ZNF761: variants seen among roughly 807,000 people sequenced by gnomAD.
ZNF761 encodes the protein zinc finger protein 761.
Under a neutral mutation model 59.9 loss-of-function variants are expected in ZNF761, and 43 were observed. The observed-to-expected ratio is 0.72, with a 90% CI of 0.56 to 0.92. The LOEUF is 0.92. Among genes scored for constraint, ZNF761 ranks in the 40% least tolerant of loss-of-function variants. ZNF761 has a pLI of 0.00. For missense variants in ZNF761, 850 were observed against 906.1 expected, an observed-to-expected ratio of 0.94 and a Z score of 0.79; for synonymous variants, 294 against 304.8, an observed-to-expected ratio of 0.96 and a Z score of 0.37.
At position 53,455,485 on chromosome 19, in the gene ZNF761, T is replaced by G. The variant is rs1389907048; in HGVS notation, c.978T>G (p.Tyr326Ter). Residue 326 changes from tyrosine to a stop codon, truncating the protein, a stop_gained, in exon 5 of 5, where the codon TAT becomes TAG. Transcript: ENST00000684525. LOFTEE classifies it high-confidence loss of function. ...TAATTCATACTGAAGAGAAACCATA[T>G]AAGTGTAATGAGTGTGGCAAGACCT... Reference protein sequence around the residue: ...HRIIHTEEKPYKCNECGKTFR... With the variant: ...HRIIHTEEKP 6.2e-7 allele frequency: 1 copy of G among 1,611,514 alleles called. No individual in the cohort carries two copies. Among genetic ancestry groups the G allele is most frequent in the Non-Finnish European group, 8.5e-7 (1 of 1,179,490 alleles).
chr19:53,435,366 A>G (rs12984662), intron 1 of ZNF761, among the ~76,000 whole-genome samples: 28,134 of 128,132 alleles, frequency 0.22, 3,391 homozygotes, highest in Middle Eastern at 0.35. Context: ...GTGCAATGGC[A>G]TGACCACGGC....
At position 53,447,123 on chromosome 19, in the gene ZNF761, T is replaced by G. The variant is rs1249069502; in HGVS notation, c.-73-73T>G. The G allele has an allele frequency of 3.0e-6, 3 of 1,000,696 alleles. No homozygotes were observed. In the South Asian group the frequency reaches 4.9e-5, roughly 16 times the overall value. 62.0% of individuals were successfully genotyped at this position (1,000,696 alleles called of 1,614,324 possible). A position where few individuals can be genotyped will look rare whatever the true frequency, so the allele number is the denominator to read the frequency against. Reference sequence around the variant, plus strand: ...ATATTTCCCAGGGTGAGGTCGCCTTTGTATGTGTGGTTGTGTTCCACGGAG... The same window carrying G: ...ATATTTCCCAGGGTGAGGTCGCCTTGGTATGTGTGGTTGTGTTCCACGGAG... On this transcript the variant is annotated intron_variant, in intron 2 of 4. Coordinates refer to ENST00000684525, the MANE Select transcript of ZNF761 (RefSeq NM_001289951.2).
rs1396527149 is a variant in ZNF761 at position 53,437,990 on chromosome 19, C to T, written c.-185+5962C>T. Among the ~76,000 whole-genome samples, 5 of 117,710 alleles carry T rather than the reference C, an allele frequency of 4.2e-5. 1 individual carries two copies. Among genetic ancestry groups the T allele is most frequent in the Non-Finnish European group, 9.6e-5 (5 of 52,006 alleles). 77.2% of individuals were successfully genotyped at this position (117,710 alleles called of 152,430 possible). ...CTGGCATGTCCAAACTCTTCCAGCA[C>T]AGAACTACTTCCACCTGTGAAGTAC... On this transcript the variant is annotated intron_variant, in intron 1 of 4. Transcript: ENST00000684525.
intron 1 of ZNF761, among the ~76,000 whole-genome samples, chr19:53,433,801 C>A (rs2086004725): frequency 6.6e-6 from 1 of 152,062 alleles, no homozygotes; most frequent in Non-Finnish European, 1.5e-5. Context: ...TAGAACTACT[C>A]CTATTAAGGT....
Position 53,447,252 on chromosome 19 carries a change from G to C in ZNF761, c.-17G>C, listed in dbSNP as rs759243345. On this transcript the variant is annotated 5_prime_UTR_variant, in exon 3 of 5. Transcript: ENST00000684525. ...GAAGAAACCCGGAAGAGGAAGAGGA[G>C]AGCAAAGGAGTCAGGGATGGCTTTT... 1 of 1,612,720 alleles carries C rather than the reference G, an allele frequency of 6.2e-7. No individual in the cohort carries two copies. Among genetic ancestry groups the C allele is most frequent in the Non-Finnish European group, 8.5e-7 (1 of 1,179,458 alleles).
In ZNF761 at chr19:53,455,412, A is replaced by T. The variant is rs754820977; in HGVS notation, c.905A>T (p.Glu302Val). The T allele has an allele frequency of 2.5e-6, 4 of 1,613,938 alleles. No individual in the cohort carries two copies. In the Admixed American group the frequency reaches 6.7e-5, roughly 27 times the overall value. The change falls in exon 5 of 5, where the codon GAA becomes GTA. Residue 302 changes from glutamate (E) to valine (V), a missense_variant. By Grantham distance (121) the Glu-to-Val change is moderately radical. Coordinates refer to ENST00000684525, the MANE Select transcript of ZNF761 (RefSeq NM_001289951.2). ...GGAGAGAAACCTTACAAATGTGAAGAATGTGACAAAGCTTTCCATTTCAAA... is the reference window on the plus strand; with the variant it reads ...GGAGAGAAACCTTACAAATGTGAAGTATGTGACAAAGCTTTCCATTTCAAA... Reference protein sequence around the residue: ...HTGEKPYKCEECDKAFHFKSI... With the variant: ...HTGEKPYKCEVCDKAFHFKSI...
chr19:53,439,710 G>A (rs1168638839), intron 1 of ZNF761, among the ~76,000 whole-genome samples: 3 of 152,166 alleles, frequency 2.0e-5, no homozygotes, highest in Admixed American at 6.5e-5. Flanking sequence ...GCACTGGCCT[G>A]TATTCATTTG....
At position 53,457,237 on chromosome 19, in the gene ZNF761, C is replaced by A; in HGVS notation, c.*489C>A. On this transcript the variant is annotated 3_prime_UTR_variant, in exon 5 of 5. Coordinates refer to ENST00000684525, the MANE Select transcript of ZNF761 (RefSeq NM_001289951.2). Reference sequence around the variant, plus strand: ...TGGAGAATCCATAAGGAAGAGAGATCATACTAGGGTAATAAATGTGGCAGA... The same window carrying A: ...TGGAGAATCCATAAGGAAGAGAGATAATACTAGGGTAATAAATGTGGCAGA... The A allele has an allele frequency of 2.2e-6, 1 of 462,060 alleles. No individual in the cohort carries two copies. The highest frequency in any genetic ancestry group is 1.7e-5 in the South Asian group (1 of 57,896). 28.6% of individuals were successfully genotyped at this position (462,060 alleles called of 1,614,324 possible). A position where few individuals can be genotyped will look rare whatever the true frequency, so the allele number is the denominator to read the frequency against.
chr19:53,457,240 A>G lies in ZNF761; in HGVS notation c.*492A>G. 1 of 459,370 alleles carries G rather than the reference A, an allele frequency of 2.2e-6. No homozygotes were observed. The highest frequency in any genetic ancestry group is 5.6e-5 in the East Asian group (1 of 17,940). The allele number at this position is 459,370 out of a possible 1,614,324, so 28.5% of individuals were successfully genotyped here. A position where few individuals can be genotyped will look rare whatever the true frequency, so the allele number is the denominator to read the frequency against. ...AGAATCCATAAGGAAGAGAGATCAT[A>G]CTAGGGTAATAAATGTGGCAGATTT... On this transcript the variant is annotated 3_prime_UTR_variant, in exon 5 of 5. Transcript: ENST00000684525.
chr19:53,436,358 T>C (rs1216093714), intron 1 of ZNF761, among the ~76,000 whole-genome samples: 1 of 152,268 alleles, frequency 6.6e-6, no homozygotes, highest in Non-Finnish European at 1.5e-5. Flanking sequence ...CTTGCATGGC[T>C]GTTCTTAAAG....
chr19:53,451,444 A>C (rs936998681), intron 4 of ZNF761, among the ~76,000 whole-genome samples: 49 of 152,218 alleles, frequency 3.2e-4, no homozygotes, highest in African/African-American at 1.2e-3. Flanking sequence ...CCTGCCCTCA[A>C]CTGATCCACC....
chr19:53,440,527 G>T (rs1219324947), intron 1 of ZNF761, among the ~76,000 whole-genome samples: 1 of 152,138 alleles, frequency 6.6e-6, no homozygotes, highest in Non-Finnish European at 1.5e-5. Flanking sequence ...ATAGAGGTCA[G>T]CTTCCACTTG....
At position 53,456,888 on chromosome 19, in the gene ZNF761, T is replaced by G; in HGVS notation, c.*140T>G. On this transcript the variant is annotated 3_prime_UTR_variant, in exon 5 of 5. Coordinates refer to ENST00000684525, the MANE Select transcript of ZNF761 (RefSeq NM_001289951.2). ...AAGCCTCAGAAGACAGGAGAATTCA[T>G]ACTGGAGAGAAAGCTTATAAATGTG... 1.0e-6 allele frequency: 1 copy of G among 978,370 alleles called. No homozygotes were observed. Among genetic ancestry groups the G allele is most frequent in the South Asian group, 1.5e-5 (1 of 64,866 alleles). The allele number at this position is 978,370 out of a possible 1,614,324, so 60.6% of individuals were successfully genotyped here.
chr19:53,449,132 C>T (rs537795728), intron 3 of ZNF761, among the ~76,000 whole-genome samples: 1 of 152,194 alleles, frequency 6.6e-6, no homozygotes, highest in South Asian at 2.1e-4. Context: ...GAGTTTGAGA[C>T]CAACCTGGCT....
intron 3 of ZNF761, among the ~76,000 whole-genome samples, chr19:53,448,277 AC>A (rs2147135727): frequency 6.6e-6 from 1 of 152,366 alleles, no homozygotes; most frequent in South Asian, 2.1e-4. Context: ...TGCTGGGATT[AC>A]AGGTGTGAGG....
rs766493631 is a variant in ZNF761, at chr19:53,456,628, C to G, written c.2121C>G (p.Cys707Trp). 1 of 1,601,142 alleles carries G rather than the reference C, an allele frequency of 6.2e-7. No individual in the cohort carries two copies. Among genetic ancestry groups the G allele is most frequent in the Non-Finnish European group, 8.5e-7 (1 of 1,174,996 alleles). Residue 707 changes from cysteine (C) to tryptophan (W), a missense_variant, in exon 5 of 5, where the codon TGC (cysteine) becomes TGG (tryptophan). Cys to Trp is a radical substitution (Grantham distance 215). Coordinates refer to ENST00000684525, the MANE Select transcript of ZNF761 (RefSeq NM_001289951.2). Reference protein sequence around the residue: ...KNFSQKSSLICHHRLHTGEKP... With the variant: ...KNFSQKSSLIWHHRLHTGEKP... The stretch of plus-strand genomic sequence containing the variant: ...TTAGTCAGAAGTCATCCCTTATATG[C>G]CACCATAGACTTCATACTGGAGAGA...
chr19:53,449,444 C>T, intron 3 of ZNF761, 68 bp from the exon 4 acceptor site: 2 of 1,608,468 alleles, frequency 1.2e-6, no homozygotes, highest in Non-Finnish European at 8.5e-7. Context: ...CACCTCTCTT[C>T]TTCTCATTTT....
At chr19:53,452,509 G>T (rs1464731643) in intron 4 of ZNF761, among the ~76,000 whole-genome samples, 3 of 151,950 alleles carry the variant, frequency 2.0e-5, no homozygotes, top group Non-Finnish European at 4.4e-5. Context: ...TGAGGCAGGA[G>T]AATCATGCCA....
At chr19:53,432,978 G>T (rs28523698) in intron 1 of ZNF761, among the ~76,000 whole-genome samples, 229 of 150,894 alleles carry the variant, frequency 1.5e-3, no homozygotes, top group African/African-American at 5.5e-3. Flanking sequence ...CTGGTGGCAA[G>T]GAGAACAGAG....
Sources: allele counts gnomAD v4.1 joint callset (sites outside exome capture counted in the v4.1 genomes callset), GRCh38; gene constraint gnomAD v4.1.1; transcripts MANE v1.5; gene names NCBI Gene and HGNC (gene_info 2026-07-23, HGNC 2026-07-21).